Variants in ZNF442 observed in about 807,000 individuals in gnomAD.
The protein encoded by ZNF442 is zinc finger protein 442.
In ZNF442, 45 loss-of-function variants were observed where a neutral mutation model predicts 57.0. The ratio of observed to expected loss-of-function variants is 0.79; its 90% CI spans 0.62 to 1.01. The LOEUF (loss-of-function observed/expected upper bound fraction) is 1.01, where lower values mean the gene tolerates loss of function less well. ZNF442 is among the 50% of genes least tolerant of loss of function. ZNF442 has a pLI of 0.00. For missense variants in ZNF442, 690 were observed against 756.5 expected, an observed-to-expected ratio of 0.91 and a Z score of 1.03; for synonymous variants, 213 against 241.8, an observed-to-expected ratio of 0.88 and a Z score of 1.10.
At position 12,365,678 on chromosome 19, in the gene ZNF442, A is replaced by G. The variant is rs1056806155; in HGVS notation, c.-628T>C. Reference sequence around the variant, plus strand: ...AGCGGGAGCTCAGAGGGGTGTAGAAAGCTCCACCCTCCTCCCGGCAGCGCG... The same window carrying G: ...AGCGGGAGCTCAGAGGGGTGTAGAAGGCTCCACCCTCCTCCCGGCAGCGCG... On this transcript the variant is annotated 5_prime_UTR_variant, in exon 1 of 6. Transcript: ENST00000242804. 3 of 211,520 alleles carry G rather than the reference A, an allele frequency of 1.4e-5. No individual in the cohort carries two copies. Among genetic ancestry groups the G allele is most frequent in the African/African-American group, 7.0e-5 (3 of 42,770 alleles). 13.1% of individuals were successfully genotyped at this position (211,520 alleles called of 1,614,324 possible). A position where few individuals can be genotyped will look rare whatever the true frequency, so the allele number is the denominator to read the frequency against.
In ZNF442 at chr19:12,350,210, T is replaced by G; in HGVS notation, c.1375A>C (p.Lys459Gln). The change falls in exon 6 of 6, where the codon AAA becomes CAA. Residue 459 changes from lysine to glutamine, a missense_variant. Lys to Gln is a moderately conservative substitution (Grantham distance 53). Transcript: ENST00000242804. ...RRHETTHTGE[K>Q]PYKCKCGKAF... ...TTCCCACATTTACATTTATAGGGTT[T>G]CTCTCCAGTGTGAGTTGTTTCATGT... 1 of 1,614,096 alleles carries G rather than the reference T, an allele frequency of 6.2e-7. No individual in the cohort carries two copies. The highest frequency in any genetic ancestry group is 8.5e-7 in the Non-Finnish European group (1 of 1,180,008).
At chr19:12,366,334 A>AC (rs1465392889), upstream of ZNF442, among the ~76,000 whole-genome samples, 4 of 151,978 alleles carry the variant, frequency 2.6e-5, no homozygotes, top group African/African-American at 9.7e-5. Context: ...TCAGCAGGAA[A>AC]CCCCCTTTCA....
chr19:12,362,626 G>A (rs2144842322), intron 3 of ZNF442, among the ~76,000 whole-genome samples: 1 of 146,540 alleles, frequency 6.8e-6, no homozygotes, highest in Non-Finnish European at 1.5e-5. Flanking sequence ...GCCCCCTCCG[G>A]GAGGTGGGGG....
Position 12,349,838 on chromosome 19 carries a change from G to A in ZNF442, c.1747C>T (p.Arg583Cys), listed in dbSNP as rs773444209. 17 of 1,610,054 alleles carry A rather than the reference G, an allele frequency of 1.1e-5. No homozygotes were observed. The highest frequency in any genetic ancestry group is 2.2e-5 in the East Asian group (1 of 44,634). Residue 583 changes from arginine to cysteine, a missense_variant, in exon 6 of 6, where the codon CGT (arginine) becomes TGT (cysteine). Physicochemically the swap from Arg to Cys is radical, Grantham distance 180. Transcript: ENST00000242804. Reference protein sequence around the residue: ...ECQQCGKAFTRSRFLRGHEKT... With the variant: ...ECQQCGKAFTCSRFLRGHEKT... ...TCATGTCCTCGAAGGAAACGAGAAC[G>A]AGTGAAGGCTTTACCACATTGTTGA...
chr19:12,351,421 AG>A (rs1969236336), intron 5 of ZNF442, 103 bp from the exon 6 acceptor site: 1 of 1,071,094 alleles, frequency 9.3e-7, no homozygotes, highest in Non-Finnish European at 1.3e-6. Flanking sequence ...TGCAACGTGT[AG>A]GCTTCATGCA....
chr19:12,355,745 A>C (rs1183068963), intron 3 of ZNF442, among the ~76,000 whole-genome samples: 1 of 151,628 alleles, frequency 6.6e-6, no homozygotes, highest in Non-Finnish European at 1.5e-5. Context: ...AGGCAAGTGG[A>C]TCTCTTGAGC....
intron 3 of ZNF442, among the ~76,000 whole-genome samples, chr19:12,359,029 G>C (rs1451998740): frequency 6.6e-6 from 1 of 152,198 alleles, no homozygotes; most frequent in Non-Finnish European, 1.5e-5. Flanking sequence ...TAGCCAAAAA[G>C]AGAGAGGCAC....
At chr19:12,363,009 A>T (rs1465728002) in intron 3 of ZNF442, among the ~76,000 whole-genome samples, 1 of 151,498 alleles carries the variant, frequency 6.6e-6, no homozygotes, top group Non-Finnish European at 1.5e-5. Context: ...CAAAAAAAAA[A>T]TTAGCCAGGT....
At chr19:12,362,269 A>G (rs1969444109) in intron 3 of ZNF442, among the ~76,000 whole-genome samples, 1 of 150,844 alleles carries the variant, frequency 6.6e-6, no homozygotes, top group African/African-American at 2.5e-5. Flanking sequence ...CCGTCTAGGA[A>G]GTGAGGAGCA....
rs1969138618 is a variant in ZNF442 at position 12,346,834 on chromosome 19, C to T, written c.*2867G>A. Reference sequence around the variant, plus strand: ...TTGAAAACGTTCTAAGTGAAATAAGCCAGACATGGAAGGACACATGCATAC... The same window carrying T: ...TTGAAAACGTTCTAAGTGAAATAAGTCAGACATGGAAGGACACATGCATAC... On this transcript the variant is annotated 3_prime_UTR_variant, in exon 6 of 6. Coordinates refer to ENST00000242804, the MANE Select transcript of ZNF442 (RefSeq NM_030824.3). The T allele has an allele frequency of 6.6e-6, 1 of 152,144 alleles. No individual in the cohort carries two copies. The highest frequency in any genetic ancestry group is 1.5e-5 in the Non-Finnish European group (1 of 68,034). 9.4% of individuals were successfully genotyped at this position (152,144 alleles called of 1,614,324 possible). A position where few individuals can be genotyped will look rare whatever the true frequency, so the allele number is the denominator to read the frequency against.
At position 12,363,610 on chromosome 19, in the gene ZNF442, C is replaced by T; in HGVS notation, c.22G>A (p.Asp8Asn). 6.2e-7 allele frequency: 1 copy of T among 1,614,224 alleles called. No individual in the cohort carries two copies. MIVFGGEDRSDLFLPDSQ... is the reference protein window; with the variant it reads MIVFGGENRSDLFLPDSQ... ...TCAGGAAGGAAGAGATCACTTCTGT[C>T]TTCTCCCCCAAATACAATCATTCAA... is the stretch of plus-strand genomic sequence containing the variant. Residue 8 changes from aspartate to asparagine, a missense_variant, in exon 3 of 6, where the codon GAC (aspartate) becomes AAC (asparagine). Transcript: ENST00000242804.
chr19:12,352,461 C>A (rs995358407), intron 4 of ZNF442, among the ~76,000 whole-genome samples: 9 of 152,228 alleles, frequency 5.9e-5, no homozygotes, highest in Non-Finnish European at 1.2e-4. Context: ...CTGCCTCGGC[C>A]TCCCAAAGTG....
intron 3 of ZNF442, among the ~76,000 whole-genome samples, chr19:12,362,434 C>T (rs145750151): frequency 0.047 from 7,059 of 150,252 alleles, 254 homozygotes; most frequent in Admixed American, 0.12. Context: ...AGGTAAGGAG[C>T]GTCTCTGCCC....
Position 12,347,780 on chromosome 19 carries a change from G to A in ZNF442, c.*1921C>T, listed in dbSNP as rs976079469. 6.6e-6 allele frequency: 1 copy of A among 152,202 alleles called. No homozygotes were observed. The highest frequency in any genetic ancestry group is 1.5e-5 in the Non-Finnish European group (1 of 68,042). 9.4% of individuals were successfully genotyped at this position (152,202 alleles called of 1,614,324 possible). On this transcript the variant is annotated 3_prime_UTR_variant, in exon 6 of 6. Coordinates refer to ENST00000242804, the MANE Select transcript of ZNF442 (RefSeq NM_030824.3). Reference sequence around the variant, plus strand: ...GAAGTTTGCACCTGACCCTGCCGCTGGAAGCCCTTCTCAGGTTTACTCCCA... The same window carrying A: ...GAAGTTTGCACCTGACCCTGCCGCTAGAAGCCCTTCTCAGGTTTACTCCCA...
chr19:12,353,696 T>C (rs964256667), intron 3 of ZNF442, among the ~76,000 whole-genome samples: 10 of 152,198 alleles, frequency 6.6e-5, no homozygotes, highest in Admixed American at 5.9e-4. Flanking sequence ...TAGGTTTGAA[T>C]GTTTGTCCCC....
rs533633874 is a variant in ZNF442 at position 12,361,772 on chromosome 19, G to A, written c.78+1782C>T. Among the ~76,000 whole-genome samples, 257 of 148,086 alleles carry A rather than the reference G, an allele frequency of 1.7e-3. 4 individuals carry two copies. Among genetic ancestry groups the A allele is most frequent in the East Asian group, 5.1e-3 (25 of 4,922 alleles). ...CCACGGTCTCCCTCTGATGCCGAGC[G>A]GAGGCTGGACTGTAGTGCCGCCATC... On this transcript the variant is annotated intron_variant, in intron 3 of 5. Transcript: ENST00000242804.
intron 1 of ZNF442, 28 bp from the exon 2 acceptor site, chr19:12,365,271 G>A (rs1189751493): frequency 5.3e-6 from 1 of 188,520 alleles, no homozygotes; most frequent in African/African-American, 2.4e-5. Flanking sequence ...TGTGGGCATG[G>A]AGCTGCCCCA....
chr19:12,358,757 A>G (rs1384700129), intron 3 of ZNF442, among the ~76,000 whole-genome samples: 1 of 152,198 alleles, frequency 6.6e-6, no homozygotes, highest in East Asian at 1.9e-4. Context: ...AATGTATGGC[A>G]TTTGCTGAAC....
chr19:12,370,293 C>T (rs183544889), upstream of ZNF442, among the ~76,000 whole-genome samples: 2 of 151,890 alleles, frequency 1.3e-5, no homozygotes, highest in East Asian at 3.9e-4. Context: ...GTGTGCGCAG[C>T]TCACAATAGG....
Sources: gnomAD v4.1 joint callset for allele counts (sites outside exome capture counted in the v4.1 genomes callset) on GRCh38, gnomAD v4.1.1 for gene constraint, MANE v1.5 for transcripts, NCBI Gene and HGNC (gene_info 2026-07-23, HGNC 2026-07-21) for gene names.